The following SCD5 variants were observed in gnomAD, a reference collection of about 807,000 sequenced individuals.
The protein encoded by SCD5 is stearoyl-CoA desaturase 5.
A neutral mutation model predicts 30.4 loss-of-function variants in SCD5; 20 were observed. The observed-to-expected ratio is 0.66, with a 90% CI of 0.46 to 0.96. SCD5 has a LOEUF of 0.96. SCD5 is among the 40% of genes least tolerant of loss of function. The pLI, the probability that SCD5 is intolerant of heterozygous loss-of-function variation, is 0.00. For missense variants in SCD5, 381 were observed against 443.3 expected (o/e 0.86, Z 1.26); for synonymous variants, 173 against 176.4 (o/e 0.98, Z 0.16).
intron 1 of SCD5, among the ~76,000 whole-genome samples, chr4:82,708,093 G>A (rs1720006407): frequency 6.6e-6 from 1 of 152,076 alleles, no homozygotes; most frequent in Non-Finnish European, 1.5e-5. Context: ...AGGGGGTGGA[G>A]GAAAGGGGAA....
intron 3 of SCD5, among the ~76,000 whole-genome samples, chr4:82,643,904 G>A (rs1269932935): frequency 6.6e-6 from 1 of 152,220 alleles, no homozygotes; most frequent in African/African-American, 2.4e-5. Flanking sequence ...TGACAGAGCA[G>A]ATGGATGGAG....
chr4:82,798,427 G>A lies in SCD5; in HGVS notation c.111C>T (p.Gly37=). 1 of 1,613,220 alleles carries A rather than the reference G, an allele frequency of 6.2e-7. No homozygotes were observed. Among genetic ancestry groups the A allele is most frequent in the Non-Finnish European group, 8.5e-7 (1 of 1,179,656 alleles). Residue 37 remains glycine, a synonymous_variant, in exon 1 of 5, where the codon GGC becomes GGT. Coordinates refer to ENST00000319540, the MANE Select transcript of SCD5 (RefSeq NM_001037582.3). ...SEGGGGPERP[G]ARGQRQNIVW... ...CGATGTTCTGCCGCTGCCCGCGCGCGCCTGGCCTCTCCGGGCCGCCGCCGC... is the reference window on the plus strand; with the variant it reads ...CGATGTTCTGCCGCTGCCCGCGCGCACCTGGCCTCTCCGGGCCGCCGCCGC...
intron 3 of SCD5, among the ~76,000 whole-genome samples, chr4:82,653,116 T>C (rs766883600): frequency 6.6e-6 from 1 of 152,192 alleles, no homozygotes; most frequent in Non-Finnish European, 1.5e-5. Context: ...CTCATGCCAC[T>C]GCACTCCAGC....
At chr4:82,780,885 G>A (rs1283744697) in intron 1 of SCD5, among the ~76,000 whole-genome samples, 1 of 152,252 alleles carries the variant, frequency 6.6e-6, no homozygotes, top group Non-Finnish European at 1.5e-5. Flanking sequence ...GGAGGTCCGG[G>A]CACAGGGCCA....
chr4:82,702,915 C>T (rs1168319631), intron 2 of SCD5, among the ~76,000 whole-genome samples: 1 of 152,180 alleles, frequency 6.6e-6, no homozygotes, highest in Non-Finnish European at 1.5e-5. Flanking sequence ...AGTTCTCTCC[C>T]ACTGACACAG....
Position 82,631,245 on chromosome 4 carries a change from A to G in SCD5, c.*82T>C. 5.7e-6 allele frequency: 7 copies of G among 1,238,170 alleles called. No individual in the cohort carries two copies. The highest frequency in any genetic ancestry group is 7.8e-6 in the Non-Finnish European group (7 of 897,814). The allele number at this position is 1,238,170 out of a possible 1,614,324, so 76.7% of individuals were successfully genotyped here. On this transcript the variant is annotated 3_prime_UTR_variant, in exon 5 of 5. Coordinates refer to ENST00000319540, the MANE Select transcript of SCD5 (RefSeq NM_001037582.3). ...TCCCCACCCTCTGCCCCCTCCCACGATCCAATGTACAAGAGAGCTATTGTA... is the reference window on the plus strand; with the variant it reads ...TCCCCACCCTCTGCCCCCTCCCACGGTCCAATGTACAAGAGAGCTATTGTA...
At chr4:82,728,463 AG>A (rs1357293944) in intron 1 of SCD5, among the ~76,000 whole-genome samples, 2 of 152,200 alleles carry the variant, frequency 1.3e-5, no homozygotes, top group African/African-American at 4.8e-5. Flanking sequence ...ACTGCTCAGG[AG>A]TCATGTGGCC....
At chr4:82,793,989 A>G (rs1722154636) in intron 1 of SCD5, among the ~76,000 whole-genome samples, 1 of 152,166 alleles carries the variant, frequency 6.6e-6, no homozygotes, top group Admixed American at 6.5e-5. Context: ...CCAGGTACAG[A>G]CTACCCGATG....
At chr4:82,782,613 G>C (rs1205994911) in intron 1 of SCD5, among the ~76,000 whole-genome samples, 1 of 152,000 alleles carries the variant, frequency 6.6e-6, no homozygotes, top group East Asian at 1.9e-4. Context: ...ACACATCTAA[G>C]GGACAATCCA....
intron 1 of SCD5, among the ~76,000 whole-genome samples, chr4:82,783,411 C>T (rs539220576): frequency 6.6e-6 from 1 of 152,318 alleles, no homozygotes; most frequent in South Asian, 2.1e-4. Context: ...CTAAAGAGGA[C>T]ATGGCAAAGA....
chr4:82,712,299 T>A (rs867571464), intron 1 of SCD5, among the ~76,000 whole-genome samples: 97 of 31,386 alleles, frequency 3.1e-3, no homozygotes, highest in Non-Finnish European at 4.9e-3. Flanking sequence ...TATATATATT[T>A]TATTTTTATT....
chr4:82,749,482 G>T (rs557205114), intron 1 of SCD5, among the ~76,000 whole-genome samples: 361 of 152,304 alleles, frequency 2.4e-3, no homozygotes, highest in South Asian at 5.4e-3. Context: ...ACCAATTTGG[G>T]ATATTTTGGG....
At position 82,798,390 on chromosome 4, in the gene SCD5, C is replaced by T. The variant is rs892455721; in HGVS notation, c.148G>A (p.Val50Ile). 2 of 1,613,524 alleles carry T rather than the reference C, an allele frequency of 1.2e-6. No individual in the cohort carries two copies. The highest frequency in any genetic ancestry group is 8.5e-7 in the Non-Finnish European group (1 of 1,179,688). ...AAGTGGAGCAAGCTCATCAGGACGA[C>T]ATTCCTCCAGACGATGTTCTGCCGC... ...GQRQNIVWRNVVLMSLLHLGA... is the reference protein window; with the variant it reads ...GQRQNIVWRNIVLMSLLHLGA... The change falls in exon 1 of 5, where the codon GTC becomes ATC. Residue 50 changes from valine (V) to isoleucine (I), a missense_variant. By Grantham distance (29) the Val-to-Ile change is conservative. Transcript: ENST00000319540.
At chr4:82,723,644 T>C (rs1473628859) in intron 1 of SCD5, among the ~76,000 whole-genome samples, 1 of 152,214 alleles carries the variant, frequency 6.6e-6, no homozygotes, top group Non-Finnish European at 1.5e-5. Context: ...TGATGATGAA[T>C]AGGAAGCACA....
chr4:82,710,193 T>C (rs566846757), intron 1 of SCD5, among the ~76,000 whole-genome samples: 1 of 152,312 alleles, frequency 6.6e-6, no homozygotes, highest in African/African-American at 2.4e-5. Flanking sequence ...CAGATGATTC[T>C]GATGCAAAAC....
chr4:82,708,617 C>T (rs898515594), intron 1 of SCD5, among the ~76,000 whole-genome samples: 8 of 152,302 alleles, frequency 5.3e-5, no homozygotes, highest in Non-Finnish European at 1.0e-4. Context: ...GTCCAGAGCT[C>T]CTTTGGCTTC....
chr4:82,726,772 G>T (rs1720508185), intron 1 of SCD5, among the ~76,000 whole-genome samples: 1 of 152,184 alleles, frequency 6.6e-6, no homozygotes. Flanking sequence ...ACAGTGTGCA[G>T]TGTGAGACGC....
At chr4:82,650,814 ATGT>A (rs992537943) in intron 3 of SCD5, among the ~76,000 whole-genome samples, 24 of 136,050 alleles carry the variant, frequency 1.8e-4, no homozygotes, top group African/African-American at 6.3e-4. Context: ...TAAATATCAA[ATGT>A]TAATATATGT....
Position 82,660,851 on chromosome 4 carries a change from C to T in SCD5, c.569+19856G>A, listed in dbSNP as rs192511870. ...TTCTATACGTTATCACCAAGCCTCGCTGTTGTATATCTCTCTTCTGACCTT... is the reference window on the plus strand; with the variant it reads ...TTCTATACGTTATCACCAAGCCTCGTTGTTGTATATCTCTCTTCTGACCTT... On this transcript the variant is annotated intron_variant, in intron 3 of 4. Transcript: ENST00000319540. 9.3e-6 allele frequency: 15 copies of T among 1,613,788 alleles called. No individual in the cohort carries two copies. In the East Asian group the frequency reaches 2.2e-4, roughly 24 times the overall value.
Sources: gnomAD v4.1 joint callset for allele counts (sites outside exome capture counted in the v4.1 genomes callset) on GRCh38, gnomAD v4.1.1 for gene constraint, MANE v1.5 for transcripts, NCBI Gene and HGNC (gene_info 2026-07-23, HGNC 2026-07-21) for gene names.